Variants in PDZD2 observed in about 807,000 individuals in gnomAD.
PDZD2 encodes PDZ domain containing 2.
PDZD2 carries 90 observed loss-of-function variants against 220.7 expected under a neutral mutation model. The ratio of observed to expected loss-of-function variants is 0.41; its 90% CI spans 0.34 to 0.49. The LOEUF (loss-of-function observed/expected upper bound fraction) is 0.49. Ranked by LOEUF, PDZD2 falls within the 20% of genes least tolerant of loss-of-function variation. The pLI is 0.28. For synonymous variants in PDZD2, 1,375 were observed against 1,450.5 expected (o/e 0.95, Z 1.18); for missense variants, 3,174 against 3,608.5 (o/e 0.88, Z 3.08).
intron 2 of PDZD2, among the ~76,000 whole-genome samples, chr5:31,880,054 C>G (rs905425196): frequency 2.6e-5 from 4 of 151,972 alleles, no homozygotes; most frequent in Admixed American, 2.0e-4. Flanking sequence ...GCTGGGATGA[C>G]AGGCGCCCAC....
At chr5:31,747,029 G>T (rs1345031183) in intron 1 of PDZD2, among the ~76,000 whole-genome samples, 1 of 152,122 alleles carries the variant, frequency 6.6e-6, no homozygotes, top group African/African-American at 2.4e-5. Context: ...ACAAAAATTA[G>T]CTGGGTGTGG....
chr5:31,751,080 T>A (rs1014662443), intron 1 of PDZD2, among the ~76,000 whole-genome samples: 1 of 151,894 alleles, frequency 6.6e-6, no homozygotes, highest in Non-Finnish European at 1.5e-5. Context: ...CTGTCTCTAC[T>A]AAAAATACAA....
intron 2 of PDZD2, among the ~76,000 whole-genome samples, chr5:31,814,704 GC>G (rs1755322009): frequency 6.6e-6 from 1 of 151,802 alleles, no homozygotes; most frequent in African/African-American, 2.4e-5. Flanking sequence ...TGTAATCCCA[GC>G]AACTTGGGAG....
At chr5:32,065,309 CA>C (rs962604978) in intron 14 of PDZD2, among the ~76,000 whole-genome samples, 3 of 152,012 alleles carry the variant, frequency 2.0e-5, no homozygotes, top group African/African-American at 7.2e-5. Flanking sequence ...AAAAAACAAA[CA>C]AAAAAAATAC....
At chr5:31,822,969 C>CTGGGG in intron 2 of PDZD2, 1 of 1,133,106 alleles carries the variant, frequency 8.8e-7, no homozygotes, top group Middle Eastern at 3.0e-4. Context: ...ATTTGTCAAC[C>CTGGGG]CGGGGCCTCT....
chr5:31,965,629 T>A (rs1382192392), intron 2 of PDZD2, among the ~76,000 whole-genome samples: 5 of 152,186 alleles, frequency 3.3e-5, no homozygotes, highest in Non-Finnish European at 7.3e-5. Context: ...GCGCAGTGGT[T>A]CACTCCTGTA....
At chr5:31,664,616 C>A (rs936721961) in intron 1 of PDZD2, among the ~76,000 whole-genome samples, 1 of 152,200 alleles carries the variant, frequency 6.6e-6, no homozygotes, top group African/African-American at 2.4e-5. Flanking sequence ...CGGCAGAGAC[C>A]ATCCTAGGAA....
chr5:32,078,335 C>T (rs1741525554), intron 19 of PDZD2, among the ~76,000 whole-genome samples: 1 of 152,058 alleles, frequency 6.6e-6, no homozygotes, highest in South Asian at 2.1e-4. Context: ...GAAGTTATCT[C>T]AGTATTTATT....
At chr5:31,652,336 C>G (rs1230915047) in intron 1 of PDZD2, among the ~76,000 whole-genome samples, 2 of 152,114 alleles carry the variant, frequency 1.3e-5, no homozygotes, top group Admixed American at 6.5e-5. Context: ...TGCTCCTCCC[C>G]ATCTTCATCT....
intron 1 of PDZD2, among the ~76,000 whole-genome samples, chr5:31,796,881 G>A (rs868360613): frequency 3.3e-5 from 5 of 151,754 alleles, no homozygotes; most frequent in South Asian, 4.2e-4. Context: ...TATTTAAAGA[G>A]CATCTTGACC....
At chr5:31,908,382 G>T in intron 2 of PDZD2, 1 of 381,612 alleles carries the variant, frequency 2.6e-6, no homozygotes, top group Non-Finnish European at 4.8e-6. Context: ...CTGGGACCTT[G>T]TCAGCCATGA....
intron 2 of PDZD2, among the ~76,000 whole-genome samples, chr5:31,960,761 A>T (rs1019179920): frequency 6.6e-6 from 1 of 152,190 alleles, no homozygotes; most frequent in African/African-American, 2.4e-5. Flanking sequence ...AGCATTCTTC[A>T]TATAATTAGT....
intron 2 of PDZD2, among the ~76,000 whole-genome samples, chr5:31,856,208 A>G (rs1476194731): frequency 6.6e-6 from 1 of 152,142 alleles, no homozygotes; most frequent in Non-Finnish European, 1.5e-5. Context: ...TGGCCATTGA[A>G]TGCTAACCTG....
chr5:31,887,229 G>C (rs144749813), intron 2 of PDZD2, among the ~76,000 whole-genome samples: 12 of 152,324 alleles, frequency 7.9e-5, no homozygotes, highest in African/African-American at 2.6e-4. Context: ...GGGAAAAGCA[G>C]ATTTTACACA....
chr5:31,664,351 C>G (rs1745896394), intron 1 of PDZD2, among the ~76,000 whole-genome samples: 1 of 152,050 alleles, frequency 6.6e-6, no homozygotes, highest in South Asian at 2.1e-4. Flanking sequence ...TCATTTCTCT[C>G]TCACAAACAG....
At chr5:31,677,945 C>T (rs547476995) in intron 1 of PDZD2, among the ~76,000 whole-genome samples, 44 of 152,008 alleles carry the variant, frequency 2.9e-4, no homozygotes, top group African/African-American at 1.0e-3. Context: ...TGAGTATGTC[C>T]GTTATCTTAG....
chr5:32,035,054 T>C (rs1468711449), intron 6 of PDZD2, among the ~76,000 whole-genome samples: 1 of 152,234 alleles, frequency 6.6e-6, no homozygotes, highest in East Asian at 1.9e-4. Flanking sequence ...TCAATGCCCC[T>C]TTCTCAATTT....
chr5:32,101,310 A>T, intron 24 of PDZD2, 71 bp downstream of exon 24: 1 of 1,375,440 alleles, frequency 7.3e-7, no homozygotes, highest in Non-Finnish European at 9.9e-7. Flanking sequence ...AATGAAAAAA[A>T]TGCCTTCCAT....
intron 2 of PDZD2, among the ~76,000 whole-genome samples, chr5:31,878,294 C>CT (rs1422510457): frequency 6.6e-6 from 1 of 152,140 alleles, no homozygotes; most frequent in Non-Finnish European, 1.5e-5. Context: ...TCCCCAGGGG[C>CT]TTTTTTCTTG....
Sources: gnomAD v4.1 joint callset for allele counts (sites outside exome capture counted in the v4.1 genomes callset) on GRCh38, gnomAD v4.1.1 for gene constraint, MANE v1.5 for transcripts, NCBI Gene and HGNC (gene_info 2026-07-23, HGNC 2026-07-21) for gene names.